Variants in DTNA observed in about 807,000 individuals in gnomAD.
DTNA encodes the protein dystrobrevin alpha, also known as dystrophin-related protein 3.
In DTNA, 43 loss-of-function variants were observed where a neutral mutation model predicts 100.7. That is an observed-to-expected ratio of 0.43 (90% CI 0.33 to 0.55). DTNA has a LOEUF of 0.55. Among genes scored for constraint, DTNA ranks in the 20% least tolerant of loss-of-function variants. DTNA has a pLI of 0.04. For synonymous variants in DTNA, 349 were observed against 347.9 expected (o/e 1.00, Z -0.04); for missense variants, 798 against 953.9 (o/e 0.84, Z 2.15).
intron 17 of DTNA, among the ~76,000 whole-genome samples, chr18:34,872,991 C>G (rs2096780125): frequency 6.6e-6 from 1 of 152,166 alleles, no homozygotes; most frequent in Non-Finnish European, 1.5e-5. Context: ...TCCTCTTAGC[C>G]TCAGTTTGCT....
intron 1 of DTNA, among the ~76,000 whole-genome samples, chr18:34,687,665 T>A (rs1277155411): frequency 6.6e-6 from 1 of 152,216 alleles, no homozygotes; most frequent in Non-Finnish European, 1.5e-5. Flanking sequence ...ATCTGCCTGG[T>A]CCAGAGCTGA....
chr18:34,690,343 C>T lies in DTNA; in HGVS notation c.-1-65633C>T, dbSNP rs971181374. Among the ~76,000 whole-genome samples, 5 of 152,202 alleles carry T rather than the reference C, an allele frequency of 3.3e-5. No homozygotes were observed. In the East Asian group the frequency reaches 5.8e-4, roughly 18 times the overall value. On this transcript the variant is annotated intron_variant, in intron 1 of 19. Transcript: ENST00000283365. ...GGTAGTAACTTGGCAAGATAGCACC[C>T]TCCCTCATGGCAAGTTCCTCATGGC...
At chr18:34,772,791 A>G (rs1388581760) in intron 3 of DTNA, among the ~76,000 whole-genome samples, 1 of 152,220 alleles carries the variant, frequency 6.6e-6, no homozygotes, top group African/African-American at 2.4e-5. Flanking sequence ...CAGAAATCCA[A>G]TGCAGCATGG....
At chr18:34,868,380 A>G in intron 17 of DTNA, 1 of 712,662 alleles carries the variant, frequency 1.4e-6, no homozygotes, top group Non-Finnish European at 1.7e-6. Context: ...TATCAATCCC[A>G]GCCCTATAGA....
At chr18:34,556,145 G>C (rs2046015870) in intron 1 of DTNA, among the ~76,000 whole-genome samples, 1 of 151,276 alleles carries the variant, frequency 6.6e-6, no homozygotes, top group Non-Finnish European at 1.5e-5. Context: ...TGTCTCTTTT[G>C]ATCTTTGTTG....
rs551919824 is a variant in DTNA, at chr18:34,888,195, C to T, written c.*461C>T. On this transcript the variant is annotated 3_prime_UTR_variant, in exon 23 of 23. Coordinates refer to ENST00000444659, the MANE Select transcript of DTNA (RefSeq NM_001386795.1). The stretch of plus-strand genomic sequence containing the variant: ...TCAGTTTACAATGACAATATTAATA[C>T]TGTTTATAGCTAGAAGTTTGATTTC... 3.0e-6 allele frequency: 3 copies of T among 985,840 alleles called. No homozygotes were observed. Among genetic ancestry groups the T allele is most frequent in the South Asian group, 4.7e-5 (1 of 21,294 alleles). The allele number at this position is 985,840 out of a possible 1,614,324, so 61.1% of individuals were successfully genotyped here.
At chr18:34,586,614 G>C (rs9958323) in intron 1 of DTNA, among the ~76,000 whole-genome samples, 15,673 of 152,090 alleles carry the variant, frequency 0.1, 1,174 homozygotes, top group African/African-American at 0.21. Context: ...CAGAATTGTC[G>C]TATTTCTAAC....
At chr18:34,842,141 A>G (rs745439306) in intron 13 of DTNA, among the ~76,000 whole-genome samples, 4 of 152,094 alleles carry the variant, frequency 2.6e-5, no homozygotes, top group African/African-American at 4.8e-5. Context: ...GTTTATACCA[A>G]GGTCTGTAGT....
intron 1 of DTNA, among the ~76,000 whole-genome samples, chr18:34,611,475 C>T (rs994479530): frequency 1.3e-5 from 2 of 152,126 alleles, no homozygotes; most frequent in Admixed American, 6.5e-5. Context: ...TTGTGTTACT[C>T]TTAAGCAAGG....
At chr18:34,729,918 C>T (rs958169738) in intron 1 of DTNA, among the ~76,000 whole-genome samples, 4 of 151,874 alleles carry the variant, frequency 2.6e-5, no homozygotes, top group Non-Finnish European at 5.9e-5. Context: ...CCAGGACACA[C>T]TAGATAAGTC....
chr18:34,696,060 C>T (rs2080490741), intron 1 of DTNA, among the ~76,000 whole-genome samples: 1 of 152,082 alleles, frequency 6.6e-6, no homozygotes, highest in South Asian at 2.1e-4. Flanking sequence ...ATAAATAATA[C>T]CTGATAACTT....
rs113356615 is a variant in DTNA at position 34,595,220 on chromosome 18, T to G, written c.-2+101706T>G. Among the ~76,000 whole-genome samples the G allele has an allele frequency of 2.6e-3, 392 of 152,364 alleles. 4 individuals carry two copies. Among genetic ancestry groups the G allele is most frequent in the African/African-American group, 8.8e-3 (364 of 41,588 alleles). ...GAAATCACAGGTGCTTCCAAGAAGT[T>G]TGTGAATGCATGCACCTGGGTGCTC... On this transcript the variant is annotated intron_variant, in intron 1 of 19. Transcript: ENST00000283365.
intron 1 of DTNA, among the ~76,000 whole-genome samples, chr18:34,576,954 G>T (rs1184528486): frequency 6.6e-6 from 1 of 152,086 alleles, no homozygotes; most frequent in Non-Finnish European, 1.5e-5. Flanking sequence ...CAGCCTTAGA[G>T]ATACAACTTG....
At position 34,879,548 on chromosome 18, in the gene DTNA, T is replaced by C. The variant is rs765555421; in HGVS notation, c.1994-3T>C. 6.2e-7 allele frequency: 1 copy of C among 1,614,110 alleles called. No individual in the cohort carries two copies. The highest frequency in any genetic ancestry group is 8.5e-7 in the Non-Finnish European group (1 of 1,179,956). ...TCTTTATTTCTTCAATTGTATCTGC[T>C]AGAGGTTGGGAGTGAAACAGAGAGT... On this transcript the variant is annotated splice_region_variant and splice_polypyrimidine_tract_variant and intron_variant, in intron 19 of 22. Coordinates refer to ENST00000444659, the MANE Select transcript of DTNA (RefSeq NM_001386795.1).
At chr18:34,513,524 C>T (rs1184112751) in intron 1 of DTNA, 1 of 152,114 alleles carries the variant, frequency 6.6e-6, no homozygotes, top group Non-Finnish European at 1.5e-5. Flanking sequence ...GAGAATCCAT[C>T]GGTCTGCTGC....
At chr18:34,503,807 A>T (rs889822654) in intron 1 of DTNA, among the ~76,000 whole-genome samples, 3 of 150,726 alleles carry the variant, frequency 2.0e-5, no homozygotes, top group Non-Finnish European at 4.4e-5. Flanking sequence ...TAGTGTTTTT[A>T]AGTGTATCAC....
intron 1 of DTNA, among the ~76,000 whole-genome samples, chr18:34,609,659 T>C (rs1462859320): frequency 1.3e-5 from 2 of 152,050 alleles, no homozygotes; most frequent in East Asian, 3.9e-4. Flanking sequence ...CTTTGCAGAG[T>C]CCCCTTTATT....
In DTNA at chr18:34,891,443, C is replaced by G. The variant is rs1298404162; in HGVS notation, c.*3709C>G. 1 of 152,102 alleles carries G rather than the reference C, an allele frequency of 6.6e-6. No homozygotes were observed. Among genetic ancestry groups the G allele is most frequent in the Non-Finnish European group, 1.5e-5 (1 of 67,952 alleles). The allele number at this position is 152,102 out of a possible 1,614,324, so 9.4% of individuals were successfully genotyped here. A position where few individuals can be genotyped will look rare whatever the true frequency, so the allele number is the denominator to read the frequency against. On this transcript the variant is annotated 3_prime_UTR_variant, in exon 23 of 23. Coordinates refer to ENST00000444659, the MANE Select transcript of DTNA (RefSeq NM_001386795.1). Reference sequence around the variant, plus strand: ...ATTCCTTTGTTTCAGTGAATCTTTCCTAAAGCAACGTGGAGTCAGTCTGTT... The same window carrying G: ...ATTCCTTTGTTTCAGTGAATCTTTCGTAAAGCAACGTGGAGTCAGTCTGTT...
At chr18:34,845,683 C>G (rs1250333938) in intron 13 of DTNA, among the ~76,000 whole-genome samples, 2 of 152,130 alleles carry the variant, frequency 1.3e-5, no homozygotes, top group Non-Finnish European at 2.9e-5. Flanking sequence ...AAAGAAAAGA[C>G]AGTGTAACTT....
Sources: gnomAD v4.1 joint callset for allele counts (sites outside exome capture counted in the v4.1 genomes callset) on GRCh38, gnomAD v4.1.1 for gene constraint, MANE v1.5 for transcripts, NCBI Gene and HGNC (gene_info 2026-07-23, HGNC 2026-07-21) for gene names.